Variants in TRAPPC9 observed in about 807,000 individuals in gnomAD.
TRAPPC9 encodes trafficking protein particle complex subunit 9, also known as IKK2 binding protein.
Under a neutral mutation model 124.0 loss-of-function variants are expected in TRAPPC9, and 83 were observed. The ratio of observed to expected loss-of-function variants is 0.67; its 90% CI spans 0.56 to 0.80. The LOEUF is 0.80. Among genes scored for constraint, TRAPPC9 ranks in the 30% least tolerant of loss-of-function variants. The probability of loss-of-function intolerance (pLI) is 0.00; values close to 1 mark genes in which losing one functional copy is unlikely to be tolerated. For synonymous variants in TRAPPC9, 638 were observed against 617.5 expected (o/e 1.03, Z -0.49); for missense variants, 1,302 against 1,508.3 (o/e 0.86, Z 2.27).
At chr8:139,922,119 C>T (rs556009509) in intron 19 of TRAPPC9, among the ~76,000 whole-genome samples, 2 of 151,872 alleles carry the variant, frequency 1.3e-5, no homozygotes, top group East Asian at 3.9e-4. Context: ...CTGTTCGCAA[C>T]AATCACATAT....
intron 21 of TRAPPC9, 40 bp downstream of exon 21, chr8:139,885,839 A>C (rs1234608219): frequency 5.9e-6 from 9 of 1,533,380 alleles, no homozygotes; most frequent in Non-Finnish European, 8.0e-6. Flanking sequence ...GAAAAGGAGC[A>C]CATCCACCCA....
chr8:140,442,310 C>T (rs2071044997), intron 2 of TRAPPC9, among the ~76,000 whole-genome samples: 1 of 151,946 alleles, frequency 6.6e-6, no homozygotes, highest in South Asian at 2.1e-4. Context: ...TGTATAAAAA[C>T]AAAATGAGGC....
chr8:140,272,130 C>CGATGATGATGGTGATGGTGGTGATGGT (rs2064930084), intron 15 of TRAPPC9, among the ~76,000 whole-genome samples: 11 of 100,382 alleles, frequency 1.1e-4, no homozygotes, highest in African/African-American at 3.8e-4. Context: ...GTGATGGTGG[C>CGATGATGATGGTGATGGTGGTGATGGT]GATGGTGATG....
At chr8:139,931,280 A>C (rs1204942774) in intron 19 of TRAPPC9, 1 of 152,256 alleles carries the variant, frequency 6.6e-6, no homozygotes, top group Non-Finnish European at 1.5e-5. Context: ...CCGCAACCAT[A>C]GGAGCTGGAT....
intron 9 of TRAPPC9, among the ~76,000 whole-genome samples, chr8:140,345,136 A>C (rs2067305035): frequency 6.6e-6 from 1 of 152,256 alleles, no homozygotes; most frequent in African/African-American, 2.4e-5. Flanking sequence ...TGCAAAGACC[A>C]TTCCTGAAGC....
intron 20 of TRAPPC9, among the ~76,000 whole-genome samples, chr8:139,894,090 C>T (rs536062706): frequency 3.3e-5 from 5 of 152,360 alleles, no homozygotes; most frequent in East Asian, 3.9e-4. Flanking sequence ...ACCAGCCCTG[C>T]GTGCTGTGAC....
chr8:140,265,772 G>A (rs2064628477), intron 15 of TRAPPC9, among the ~76,000 whole-genome samples: 1 of 152,148 alleles, frequency 6.6e-6, no homozygotes, highest in Admixed American at 6.5e-5. Flanking sequence ...AATAACAGAG[G>A]AATTACTGCC....
intron 19 of TRAPPC9, among the ~76,000 whole-genome samples, chr8:139,942,282 G>A (rs1353577067): frequency 2.6e-5 from 4 of 152,120 alleles, no homozygotes; most frequent in Non-Finnish European, 4.4e-5. Flanking sequence ...TCCTAGGGTC[G>A]GTTAAGGAAT....
At chr8:140,034,727 C>T (rs1206379061) in intron 17 of TRAPPC9, among the ~76,000 whole-genome samples, 1 of 152,228 alleles carries the variant, frequency 6.6e-6, no homozygotes, top group Admixed American at 6.5e-5. Context: ...ACTTTAAGTC[C>T]TACCACAATG....
At chr8:140,398,791 C>T (rs2069166642) in intron 6 of TRAPPC9, among the ~76,000 whole-genome samples, 1 of 152,184 alleles carries the variant, frequency 6.6e-6, no homozygotes. Context: ...AAATTCAAGC[C>T]AACTGTGGTA....
chr8:140,415,428 G>A (rs746753763), intron 5 of TRAPPC9, among the ~76,000 whole-genome samples: 5 of 151,328 alleles, frequency 3.3e-5, no homozygotes, highest in Admixed American at 6.6e-5. Flanking sequence ...GGTGGTGCAC[G>A]CCTGTAATCC....
In TRAPPC9 at chr8:139,851,525, A is replaced by G. The variant is rs372414012; in HGVS notation, c.3055+34354T>C. Among the ~76,000 whole-genome samples, 3 of 152,042 alleles carry G rather than the reference A, an allele frequency of 2.0e-5. No homozygotes were observed. In the East Asian group the frequency reaches 5.8e-4, roughly 29 times the overall value. On this transcript the variant is annotated intron_variant, in intron 21 of 22. Transcript: ENST00000438773. ...CACCTGGTACCTATTTCAAACGGGG[A>G]TGAACGGTCAAATCATCCATCAGAG...
rs1292413268 is a variant in TRAPPC9 at position 140,325,692 on chromosome 8, A to G, written c.1496-14318T>C. Among the ~76,000 whole-genome samples, 4 of 152,380 alleles carry G rather than the reference A, an allele frequency of 2.6e-5. No individual in the cohort carries two copies. The East Asian group carries it at 7.7e-4, about 29-fold the overall frequency. On this transcript the variant is annotated intron_variant, in intron 9 of 22. Coordinates refer to ENST00000438773, the MANE Select transcript of TRAPPC9 (RefSeq NM_001160372.4). Reference sequence around the variant, plus strand: ...GTTCTGTCAAACATTTAAAGAAGAAATAATATCAATCTCATACAAACTCTT... The same window carrying G: ...GTTCTGTCAAACATTTAAAGAAGAAGTAATATCAATCTCATACAAACTCTT...
intron 15 of TRAPPC9, among the ~76,000 whole-genome samples, chr8:140,259,472 C>T (rs555865517): frequency 6.6e-6 from 1 of 152,308 alleles, no homozygotes; most frequent in African/African-American, 2.4e-5. Flanking sequence ...GGACAAAGGG[C>T]CCTGGGTTCA....
chr8:139,765,403 C>A (rs1488486504), intron 21 of TRAPPC9, among the ~76,000 whole-genome samples: 3 of 152,214 alleles, frequency 2.0e-5, no homozygotes, highest in Non-Finnish European at 4.4e-5. Context: ...TTTTCCTAGA[C>A]AAATAGTCCA....
intron 5 of TRAPPC9, among the ~76,000 whole-genome samples, chr8:140,410,278 G>A (rs1014552632): frequency 1.3e-5 from 2 of 152,038 alleles, no homozygotes; most frequent in African/African-American, 2.4e-5. Flanking sequence ...GCTCATGCCT[G>A]TAAGCCCTGC....
chr8:140,086,499 G>A (rs1256122808), intron 17 of TRAPPC9, among the ~76,000 whole-genome samples: 1 of 152,140 alleles, frequency 6.6e-6, no homozygotes, highest in Non-Finnish European at 1.5e-5. Flanking sequence ...CTGTGCCCTG[G>A]TGCCCAGCTC....
intron 19 of TRAPPC9, chr8:139,933,657 T>C (rs1833340228): frequency 6.6e-6 from 1 of 152,264 alleles, no homozygotes; most frequent in South Asian, 2.1e-4. Flanking sequence ...AACTCGACTC[T>C]TCTACTTACA....
intron 21 of TRAPPC9, among the ~76,000 whole-genome samples, chr8:139,849,510 A>C (rs1827312195): frequency 6.6e-6 from 1 of 152,266 alleles, no homozygotes; most frequent in African/African-American, 2.4e-5. Context: ...AGAATGTCTT[A>C]AGGAAATTAT....
Sources: allele counts gnomAD v4.1 joint callset (sites outside exome capture counted in the v4.1 genomes callset), GRCh38; gene constraint gnomAD v4.1.1; transcripts MANE v1.5; gene names NCBI Gene and HGNC (gene_info 2026-07-23, HGNC 2026-07-21).